RGS6: variants seen among roughly 807,000 people sequenced by gnomAD.
RGS6 encodes regulator of G-protein signaling 6.
In RGS6, 30 loss-of-function variants were observed where a neutral mutation model predicts 78.5. The ratio of observed to expected loss-of-function variants is 0.38; its 90% CI spans 0.29 to 0.52. RGS6 has a LOEUF of 0.52. Ranked by LOEUF, RGS6 falls within the 20% of genes least tolerant of loss-of-function variation. The pLI, the probability that RGS6 is intolerant of heterozygous loss-of-function variation, is 0.85. For synonymous variants in RGS6, 206 were observed against 206.0 expected, an observed-to-expected ratio of 1.00 and a Z score of 0.00; for missense variants, 495 against 609.7, an observed-to-expected ratio of 0.81 and a Z score of 1.98.
At chr14:72,550,849 G>GTT (rs200300400) in intron 17 of RGS6, among the ~76,000 whole-genome samples, 3 of 151,548 alleles carry the variant, frequency 2.0e-5, no homozygotes, top group African/African-American at 7.3e-5. Flanking sequence ...TTGGGGGGGT[G>GTT]TTTTTTTTGA....
intron 3 of RGS6, among the ~76,000 whole-genome samples, chr14:72,389,275 C>G (rs1050657525): frequency 1.3e-5 from 2 of 152,110 alleles, no homozygotes; most frequent in Admixed American, 1.3e-4. Flanking sequence ...GGTGTCTGCC[C>G]AACCCCCACC....
intron 3 of RGS6, among the ~76,000 whole-genome samples, chr14:72,412,771 T>G (rs2093516390): frequency 1.3e-5 from 2 of 152,216 alleles, no homozygotes; most frequent in African/African-American, 4.8e-5. Flanking sequence ...TGTTGTGTCT[T>G]TGTTCTCTTT....
intron 2 of RGS6, among the ~76,000 whole-genome samples, chr14:71,973,132 G>A (rs531137043): frequency 1.3e-5 from 2 of 152,234 alleles, no homozygotes; most frequent in Non-Finnish European, 2.9e-5. Flanking sequence ...GTGAAGTAAG[G>A]GGTTAGCTAT....
intron 2 of RGS6, among the ~76,000 whole-genome samples, chr14:72,271,114 T>A (rs900381829): frequency 7.2e-5 from 11 of 152,182 alleles, no homozygotes; most frequent in African/African-American, 2.7e-4. Context: ...GAGGAAATAT[T>A]GTACCTCATT....
chr14:71,869,808 G>T, the RGS6 span, among the ~76,000 whole-genome samples: 5 of 152,142 alleles, frequency 3.3e-5, no homozygotes, highest in African/African-American at 1.2e-4. Flanking sequence ...TGACCTTCAA[G>T]ATGCAATTAG....
intron 2 of RGS6, among the ~76,000 whole-genome samples, chr14:72,189,683 C>A (rs2097297763): frequency 6.6e-6 from 1 of 152,026 alleles, no homozygotes; most frequent in Non-Finnish European, 1.5e-5. Context: ...GGCATTCAAC[C>A]AGGACCAAAA....
intron 3 of RGS6, among the ~76,000 whole-genome samples, chr14:72,368,291 A>G (rs542793561): frequency 4.1e-4 from 63 of 152,224 alleles, no homozygotes; most frequent in African/African-American, 1.4e-3. Flanking sequence ...GGATAACTGC[A>G]TTAATTCATT....
chr14:72,012,904 A>G (rs1419007758), intron 2 of RGS6, among the ~76,000 whole-genome samples: 1 of 152,226 alleles, frequency 6.6e-6, no homozygotes, highest in East Asian at 1.9e-4. Context: ...AGCAAACAAT[A>G]AATTTTAGCA....
intron 3 of RGS6, among the ~76,000 whole-genome samples, chr14:72,363,999 TAAAAAAA>T (rs55943058): frequency 2.1e-4 from 10 of 46,798 alleles, no homozygotes; most frequent in Admixed American, 1.4e-3. Flanking sequence ...TGGACAAGGC[TAAAAAAA>T]AAAAAAAAAA....
At chr14:72,424,114 A>G (rs1268562600) in intron 3 of RGS6, among the ~76,000 whole-genome samples, 2 of 152,144 alleles carry the variant, frequency 1.3e-5, no homozygotes, top group Non-Finnish European at 2.9e-5. Context: ...TTGGGCTGCC[A>G]CCCTGCTTGG....
chr14:72,195,385 G>A (rs2039832607), intron 2 of RGS6, among the ~76,000 whole-genome samples: 1 of 152,128 alleles, frequency 6.6e-6, no homozygotes. Flanking sequence ...AGAGGCCAGG[G>A]CTATGTATAT....
At chr14:72,610,203 G>C in the RGS6 span, among the ~76,000 whole-genome samples, 2 of 152,354 alleles carry the variant, frequency 1.3e-5, no homozygotes, top group Middle Eastern at 3.4e-3. Flanking sequence ...AGACATCAAT[G>C]GAGGCAGCAA....
the RGS6 span, among the ~76,000 whole-genome samples, chr14:71,906,758 C>T: frequency 1.9e-5 from 1 of 52,366 alleles, no homozygotes; most frequent in Non-Finnish European, 7.2e-5. Flanking sequence ...TTTAGGCACT[C>T]GTGTCTCCAA....
At chr14:72,151,090 T>C (rs1221035534) in intron 2 of RGS6, among the ~76,000 whole-genome samples, 1 of 152,066 alleles carries the variant, frequency 6.6e-6, no homozygotes, top group African/African-American at 2.4e-5. Flanking sequence ...ACAACTACAC[T>C]GGTAGGTGAT....
intron 2 of RGS6, among the ~76,000 whole-genome samples, chr14:72,275,491 T>C (rs2060534004): frequency 6.6e-6 from 1 of 152,180 alleles, no homozygotes; most frequent in Non-Finnish European, 1.5e-5. Flanking sequence ...GGAACTGAAA[T>C]CCAGGCTACA....
At chr14:72,546,172 T>A (rs1406729776) in intron 17 of RGS6, among the ~76,000 whole-genome samples, 6 of 152,204 alleles carry the variant, frequency 3.9e-5, no homozygotes, top group Non-Finnish European at 8.8e-5. Flanking sequence ...TGTTATCCTG[T>A]TTACAATCAG....
At chr14:71,907,949 G>A in the RGS6 span, among the ~76,000 whole-genome samples, 500 of 152,268 alleles carry the variant, frequency 3.3e-3, 4 homozygotes, top group African/African-American at 0.012. Context: ...AATAGCACGG[G>A]TACTGGATCC....
At chr14:72,367,567 T>A (rs528110959) in intron 3 of RGS6, among the ~76,000 whole-genome samples, 4 of 152,346 alleles carry the variant, frequency 2.6e-5, no homozygotes, top group Non-Finnish European at 4.4e-5. Flanking sequence ...CACCTAGCTC[T>A]TCCTTATGAA....
At chr14:72,402,570 G>A (rs1026916432) in intron 3 of RGS6, among the ~76,000 whole-genome samples, 1 of 152,018 alleles carries the variant, frequency 6.6e-6, no homozygotes, top group East Asian at 1.9e-4. Context: ...TCTCACCCCA[G>A]TTAGAACGGC....
Sources: allele counts gnomAD v4.1 joint callset (sites outside exome capture counted in the v4.1 genomes callset), GRCh38; gene constraint gnomAD v4.1.1; transcripts MANE v1.5; gene names NCBI Gene and HGNC (gene_info 2026-07-23, HGNC 2026-07-21).